Variants in SHISA9 observed in about 807,000 individuals in gnomAD.
The protein encoded by SHISA9 is protein shisa-9.
In SHISA9, 13 loss-of-function variants were observed where a neutral mutation model predicts 38.0. The ratio of observed to expected loss-of-function variants is 0.34; its 90% CI spans 0.22 to 0.54. The LOEUF is 0.54. Ranked by LOEUF, SHISA9 falls within the 20% of genes least tolerant of loss-of-function variation. The pLI is 0.91. For missense variants in SHISA9, 538 were observed against 575.8 expected (o/e 0.93, Z 0.67); for synonymous variants, 275 against 242.0 (o/e 1.14, Z -1.27).
chr16:12,976,089 A>G (rs908904662), intron 2 of SHISA9, among the ~76,000 whole-genome samples: 1 of 151,836 alleles, frequency 6.6e-6, no homozygotes, highest in Non-Finnish European at 1.5e-5. Flanking sequence ...AGAAAAATAA[A>G]CTTATTATTA....
At chr16:13,532,523 C>T in the SHISA9 span, among the ~76,000 whole-genome samples, 6 of 150,614 alleles carry the variant, frequency 4.0e-5, no homozygotes, top group Non-Finnish European at 8.8e-5. Context: ...GTTTTCTTGC[C>T]AGTATGATGG....
chr16:13,083,849 G>A (rs1190516565), intron 2 of SHISA9, among the ~76,000 whole-genome samples: 1 of 152,110 alleles, frequency 6.6e-6, no homozygotes, highest in African/African-American at 2.4e-5. Flanking sequence ...TGGGGGATGG[G>A]GACACCTGCT....
the SHISA9 span, among the ~76,000 whole-genome samples, chr16:13,305,680 G>A: frequency 4.6e-5 from 7 of 152,182 alleles, no homozygotes; most frequent in African/African-American, 1.7e-4. Context: ...TCCTCCATTT[G>A]AATCTTGAGA....
intron 2 of SHISA9, among the ~76,000 whole-genome samples, chr16:13,072,683 C>T (rs999573761): frequency 8.7e-5 from 13 of 148,798 alleles, no homozygotes; most frequent in Admixed American, 4.0e-4. Context: ...TTTTTTGAGA[C>T]GGAGTCTTGC....
At chr16:13,369,955 G>A in the SHISA9 span, among the ~76,000 whole-genome samples, 6 of 152,000 alleles carry the variant, frequency 3.9e-5, no homozygotes, top group Admixed American at 2.6e-4. Context: ...CCTTTTTTAT[G>A]GGTGAGTAGT....
At chr16:12,946,791 C>T (rs1413415587) in intron 2 of SHISA9, among the ~76,000 whole-genome samples, 1 of 152,242 alleles carries the variant, frequency 6.6e-6, no homozygotes, top group Non-Finnish European at 1.5e-5. Context: ...TGGTGAAGGG[C>T]ATTTGAGCAG....
intron 2 of SHISA9, among the ~76,000 whole-genome samples, chr16:12,975,763 G>A (rs962478491): frequency 3.3e-5 from 5 of 151,918 alleles, no homozygotes; most frequent in African/African-American, 1.2e-4. Context: ...TGGAAAAAGA[G>A]GGAAGATGGC....
downstream of SHISA9, among the ~76,000 whole-genome samples, chr16:13,241,646 G>A (rs2051436270): frequency 2.6e-5 from 4 of 152,304 alleles, no homozygotes; most frequent in Admixed American, 2.0e-4. Flanking sequence ...CCAGAGATCT[G>A]GGGTCCCTGG....
At chr16:13,514,027 C>G in the SHISA9 span, among the ~76,000 whole-genome samples, 2 of 152,154 alleles carry the variant, frequency 1.3e-5, no homozygotes, top group South Asian at 4.2e-4. Context: ...CAAAGTCATG[C>G]TCTGTCACGC....
chr16:13,425,213 G>T, the SHISA9 span, among the ~76,000 whole-genome samples: 1 of 151,980 alleles, frequency 6.6e-6, no homozygotes, highest in Non-Finnish European at 1.5e-5. Context: ...GCAGGGAGGG[G>T]CTGCGTGCGG....
At chr16:13,475,139 G>T in the SHISA9 span, among the ~76,000 whole-genome samples, 1 of 152,124 alleles carries the variant, frequency 6.6e-6, no homozygotes, top group African/African-American at 2.4e-5. Flanking sequence ...GGACTTGGCT[G>T]GGATGGAGTG....
chr16:13,235,443 C>G lies in SHISA9; in HGVS notation c.*34C>G, dbSNP rs988937174. ...CACAGGGAGCACCCTGGAGACCACACTCAACTGAGAGAGGCAAAAAACAAC... is the reference window on the plus strand; with the variant it reads ...CACAGGGAGCACCCTGGAGACCACAGTCAACTGAGAGAGGCAAAAAACAAC... On this transcript the variant is annotated 3_prime_UTR_variant, in exon 5 of 5. Coordinates refer to ENST00000558583, the MANE Select transcript of SHISA9 (RefSeq NM_001145204.3). 3.4e-5 allele frequency: 51 copies of G among 1,508,784 alleles called. No individual in the cohort carries two copies. Among genetic ancestry groups the G allele is most frequent in the Non-Finnish European group, 4.2e-5 (47 of 1,131,904 alleles). The allele number at this position is 1,508,784 out of a possible 1,614,324, so 93.5% of individuals were successfully genotyped here. A position where few individuals can be genotyped will look rare whatever the true frequency, so the allele number is the denominator to read the frequency against.
chr16:13,009,335 G>C (rs1047066293), intron 2 of SHISA9, among the ~76,000 whole-genome samples: 9 of 152,136 alleles, frequency 5.9e-5, no homozygotes, highest in African/African-American at 2.2e-4. Context: ...GACTGGAAGG[G>C]ATTGGGAAGG....
chr16:13,420,445 C>G, the SHISA9 span, among the ~76,000 whole-genome samples: 4 of 151,772 alleles, frequency 2.6e-5, no homozygotes, highest in African/African-American at 9.7e-5. Flanking sequence ...GGATCTAACC[C>G]AGTCTTGGGA....
intron 2 of SHISA9, among the ~76,000 whole-genome samples, chr16:13,181,766 T>G: frequency 6.6e-6 from 1 of 151,156 alleles, no homozygotes; most frequent in Non-Finnish European, 1.5e-5. Flanking sequence ...GTGATGGAGA[T>G]GGGGAGAAGG....
chr16:12,962,846 C>G (rs2071929006), intron 2 of SHISA9, among the ~76,000 whole-genome samples: 1 of 152,212 alleles, frequency 6.6e-6, no homozygotes. Context: ...CTAGGTGTAT[C>G]TTGTTGGGCC....
At chr16:13,412,938 A>G in the SHISA9 span, among the ~76,000 whole-genome samples, 1 of 152,182 alleles carries the variant, frequency 6.6e-6, no homozygotes, top group Non-Finnish European at 1.5e-5. Flanking sequence ...AAAATGTGAT[A>G]TGCTTTGGAA....
At chr16:13,198,933 AACT>A (rs1316096411) in intron 2 of SHISA9, among the ~76,000 whole-genome samples, 1 of 152,232 alleles carries the variant, frequency 6.6e-6, no homozygotes, top group Non-Finnish European at 1.5e-5. Context: ...TATATTAAGT[AACT>A]ACTCACTGCC....
At chr16:13,419,946 A>T in the SHISA9 span, among the ~76,000 whole-genome samples, 57 of 152,294 alleles carry the variant, frequency 3.7e-4, no homozygotes, top group Non-Finnish European at 7.5e-4. Context: ...AGAACATGGG[A>T]TAAAAGTTGT....
Sources: gnomAD v4.1 joint callset for allele counts (sites outside exome capture counted in the v4.1 genomes callset) on GRCh38, gnomAD v4.1.1 for gene constraint, MANE v1.5 for transcripts, NCBI Gene and HGNC (gene_info 2026-07-23, HGNC 2026-07-21) for gene names.